Variants in ATF6 observed in about 807,000 individuals in gnomAD.
ATF6 encodes the protein cyclic AMP-dependent transcription factor ATF-6 alpha.
ATF6 carries 53 observed loss-of-function variants against 83.6 expected under a neutral mutation model. That is an observed-to-expected ratio of 0.63 (90% CI 0.51 to 0.80). The LOEUF is 0.80. Among genes scored for constraint, ATF6 ranks in the 30% least tolerant of loss-of-function variants. The pLI, the probability that ATF6 is intolerant of heterozygous loss-of-function variation, is 0.00. For synonymous variants in ATF6, 288 were observed against 285.8 expected (o/e 1.01, Z -0.08); for missense variants, 744 against 797.9 (o/e 0.93, Z 0.81).
chr1:161,820,950 A>G (rs1571160775), intron 8 of ATF6, 120 bp from the exon 9 acceptor site: 1 of 523,914 alleles, frequency 1.9e-6, no homozygotes, highest in Non-Finnish European at 3.2e-6. Context: ...TAAATAAGAC[A>G]AGGTATTTGT....
chr1:161,810,280 G>T (rs575453588), intron 7 of ATF6, among the ~76,000 whole-genome samples: 1 of 152,212 alleles, frequency 6.6e-6, no homozygotes, highest in East Asian at 1.9e-4. Context: ...AATCATGACT[G>T]TGGGTGAGGG....
chr1:161,961,124 T>A lies in ATF6; in HGVS notation c.*2470T>A, dbSNP rs1409927553. Reference sequence around the variant, plus strand: ...CTTTTTCTATCATCATTTTGCCAACTCCTCAGATGCAAGACTTTGGTTATG... The same window carrying A: ...CTTTTTCTATCATCATTTTGCCAACACCTCAGATGCAAGACTTTGGTTATG... On this transcript the variant is annotated 3_prime_UTR_variant, in exon 16 of 16. Transcript: ENST00000367942. 6.6e-6 allele frequency: 1 copy of A among 152,228 alleles called. No homozygotes were observed. The highest frequency in any genetic ancestry group is 1.5e-5 in the Non-Finnish European group (1 of 68,052). The allele number at this position is 152,228 out of a possible 1,614,324, so 9.4% of individuals were successfully genotyped here.
chr1:161,830,850 A>G (rs1293930936), intron 9 of ATF6, among the ~76,000 whole-genome samples: 1 of 152,278 alleles, frequency 6.6e-6, no homozygotes, highest in Non-Finnish European at 1.5e-5. Flanking sequence ...AAACCCTACA[A>G]GAAAACCTAG....
chr1:161,944,969 A>T (rs1017371197), intron 15 of ATF6, among the ~76,000 whole-genome samples: 1 of 152,214 alleles, frequency 6.6e-6, no homozygotes, highest in Middle Eastern at 3.2e-3. Flanking sequence ...TTGGCATTGT[A>T]TCTCATCCTG....
chr1:161,774,211 T>A (rs546320925), intron 1 of ATF6, among the ~76,000 whole-genome samples: 1 of 152,326 alleles, frequency 6.6e-6, no homozygotes, highest in South Asian at 2.1e-4. Flanking sequence ...TGTATTTCTC[T>A]TCTGCCGCTA....
chr1:161,843,807 A>G (rs781337685), intron 9 of ATF6, among the ~76,000 whole-genome samples: 1 of 152,160 alleles, frequency 6.6e-6, no homozygotes, highest in Non-Finnish European at 1.5e-5. Flanking sequence ...TTTAATAACA[A>G]CTCAGTACAG....
intron 9 of ATF6, among the ~76,000 whole-genome samples, chr1:161,829,499 T>G (rs577478714): frequency 6.6e-6 from 1 of 152,038 alleles, no homozygotes; most frequent in African/African-American, 2.4e-5. Flanking sequence ...ATTGACCACA[T>G]AGTTGGAAGT....
At chr1:161,776,523 A>G (rs1684518117) in intron 1 of ATF6, among the ~76,000 whole-genome samples, 1 of 152,218 alleles carries the variant, frequency 6.6e-6, no homozygotes, top group African/African-American at 2.4e-5. Flanking sequence ...AAGCCACATT[A>G]CAGATATATA....
intron 7 of ATF6, among the ~76,000 whole-genome samples, chr1:161,805,015 C>T (rs1007988898): frequency 6.6e-6 from 1 of 151,814 alleles, no homozygotes; most frequent in Admixed American, 6.6e-5. Flanking sequence ...CCAATAAATA[C>T]TGCTAGAAAC....
intron 11 of ATF6, among the ~76,000 whole-genome samples, chr1:161,852,598 T>C (rs1414514531): frequency 1.3e-5 from 2 of 152,038 alleles, no homozygotes; most frequent in African/African-American, 4.8e-5. Flanking sequence ...GGAAATACTT[T>C]TTATTTTGTT....
chr1:161,899,473 G>A (rs910797969), intron 14 of ATF6, among the ~76,000 whole-genome samples: 4 of 151,964 alleles, frequency 2.6e-5, no homozygotes, highest in Admixed American at 6.6e-5. Context: ...CTGTGGTCAC[G>A]AACATAATGT....
chr1:161,940,104 C>G lies in ATF6; in HGVS notation c.1805-18342C>G, dbSNP rs150964289. Among the ~76,000 whole-genome samples the G allele has an allele frequency of 3.1e-3, 467 of 152,332 alleles. 2 individuals are homozygous for G. The highest frequency in any genetic ancestry group is 0.011 in the African/African-American group (459 of 41,560). On this transcript the variant is annotated intron_variant, in intron 15 of 15. Transcript: ENST00000367942. ...CTTTTCTCCCCAAACTCCTACCCAT[C>G]TTAGGTCTCCCAGGTGCTCATGCCA...
In ATF6 at chr1:161,836,563, C is replaced by T. The variant is rs528445245; in HGVS notation, c.1188-9886C>T. On this transcript the variant is annotated intron_variant, in intron 9 of 15. Transcript: ENST00000367942. ...TTTCCTCAAATAGTCTTAACGTATT[C>T]ATGTTTGTCAAAAATGTGTCTACAC... Among the ~76,000 whole-genome samples the T allele has an allele frequency of 3.9e-5, 6 of 152,280 alleles. No homozygotes were observed. The East Asian group carries it at 9.6e-4, about 24-fold the overall frequency.
chr1:161,934,963 C>G (rs1688509429), intron 15 of ATF6, among the ~76,000 whole-genome samples: 1 of 152,128 alleles, frequency 6.6e-6, no homozygotes, highest in African/African-American at 2.4e-5. Context: ...CCTTTCATTA[C>G]AGATAATCTG....
At position 161,792,312 on chromosome 1, in the gene ATF6, C is replaced by T; in HGVS notation, c.673C>T (p.Pro225Ser). The T allele has an allele frequency of 6.2e-7, 1 of 1,613,816 alleles. No homozygotes were observed. Among genetic ancestry groups the T allele is most frequent in the Non-Finnish European group, 8.5e-7 (1 of 1,179,948 alleles). Reference protein sequence around the residue: ...AKQQPIISLQPAPTKGQTVLL... With the variant: ...AKQQPIISLQSAPTKGQTVLL... ...GCAGCAACCAATTATCAGTTTACAA[C>T]CTGCACCCACTAAAGGTACCTGAGC... is the stretch of plus-strand genomic sequence containing the variant. Residue 225 changes from proline (P) to serine (S), a missense_variant, in exon 6 of 16, where the codon CCT becomes TCT. Coordinates refer to ENST00000367942, the MANE Select transcript of ATF6 (RefSeq NM_007348.4).
At chr1:161,874,541 A>T (rs1484859197) in intron 14 of ATF6, among the ~76,000 whole-genome samples, 1 of 151,658 alleles carries the variant, frequency 6.6e-6, no homozygotes. Context: ...TGTTATTCAG[A>T]TTACATTTTA....
Position 161,955,300 on chromosome 1 carries a change from T to C in ATF6, c.1805-3146T>C, listed in dbSNP as rs115363403. 5.1e-3 allele frequency among the ~76,000 whole-genome samples: 778 copies of C among 152,318 alleles called. 5 individuals are homozygous for C. Among genetic ancestry groups the C allele is most frequent in the Non-Finnish European group, 7.2e-3 (487 of 68,022 alleles). On this transcript the variant is annotated intron_variant, in intron 15 of 15. Transcript: ENST00000367942. ...AGTTAAAACTCGATCTGATAGTTTT[T>C]ATTCAGACTGACAGGCAAGTTGTAG...
chr1:161,795,145 A>G (rs1387698539), intron 6 of ATF6, among the ~76,000 whole-genome samples: 1 of 152,200 alleles, frequency 6.6e-6, no homozygotes, highest in Non-Finnish European at 1.5e-5. Flanking sequence ...CTTAAAAAAA[A>G]AATGACAGAT....
chr1:161,910,501 G>A (rs1408480423), intron 14 of ATF6, among the ~76,000 whole-genome samples: 1 of 152,184 alleles, frequency 6.6e-6, no homozygotes, highest in African/African-American at 2.4e-5. Flanking sequence ...GAGACATTGT[G>A]TTCAGAAGAT....
Sources: allele counts gnomAD v4.1 joint callset (sites outside exome capture counted in the v4.1 genomes callset), GRCh38; gene constraint gnomAD v4.1.1; transcripts MANE v1.5; gene names NCBI Gene and HGNC (gene_info 2026-07-23, HGNC 2026-07-21).